The following BDH1 variants were observed in gnomAD, a reference collection of about 807,000 sequenced individuals.
BDH1 encodes the protein D-beta-hydroxybutyrate dehydrogenase, mitochondrial.
A neutral mutation model predicts 33.1 loss-of-function variants in BDH1; 30 were observed. The ratio of observed to expected loss-of-function variants is 0.91; its 90% confidence interval spans 0.68 to 1.23. BDH1 has a LOEUF of 1.23. Among genes scored for constraint, BDH1 ranks in the 50% most tolerant of loss-of-function variants. The pLI is 0.00. For missense variants in BDH1, 443 were observed against 464.4 expected (o/e 0.95, Z 0.42); for synonymous variants, 190 against 183.6 (o/e 1.03, Z -0.28).
chr3:197,559,774 G>A (rs1245609650), upstream of BDH1, among the ~76,000 whole-genome samples: 2 of 152,252 alleles, frequency 1.3e-5, no homozygotes, highest in Non-Finnish European at 2.9e-5. Flanking sequence ...AGGGCCAACT[G>A]AGGAGTTGGG....
upstream of BDH1, among the ~76,000 whole-genome samples, chr3:197,559,422 A>G (rs949558500): frequency 6.6e-6 from 1 of 152,160 alleles, no homozygotes; most frequent in Middle Eastern, 3.2e-3. Flanking sequence ...CCCCCTTTTT[A>G]AGAATTGTGA....
Position 197,512,274 on chromosome 3 carries a change from A to G in BDH1, c.653T>C (p.Phe218Ser), listed in dbSNP as rs1712140783. ...YCITKFGVEA[F>S]SDCLRYEMYP... ...CATCTCATAGCGCAGGCAGTCCGAGAAAGCCTCTACCCCGAACTTGGTGAT... is the reference window on the plus strand; with the variant it reads ...CATCTCATAGCGCAGGCAGTCCGAGGAAGCCTCTACCCCGAACTTGGTGAT... Residue 218 changes from phenylalanine (F) to serine (S), a missense_variant, in exon 8 of 8, where the codon TTC becomes TCC. Physicochemically the swap from Phe to Ser is radical, Grantham distance 155. Coordinates refer to ENST00000392379, the MANE Select transcript of BDH1 (RefSeq NM_203314.3). 6 of 1,613,016 alleles carry G rather than the reference A, an allele frequency of 3.7e-6. No individual in the cohort carries two copies. Among genetic ancestry groups the G allele is most frequent in the Non-Finnish European group, 5.1e-6 (6 of 1,180,008 alleles).
At chr3:197,519,342 G>A (rs1470735082) in intron 6 of BDH1, among the ~76,000 whole-genome samples, 1 of 152,042 alleles carries the variant, frequency 6.6e-6, no homozygotes, top group Non-Finnish European at 1.5e-5. Context: ...GGGGGCAGGT[G>A]CAAGCCCAAG....
intron 3 of BDH1, among the ~76,000 whole-genome samples, chr3:197,540,956 G>A (rs776660998): frequency 1.4e-4 from 21 of 152,164 alleles, no homozygotes; most frequent in African/African-American, 2.9e-4. Flanking sequence ...ACTCCTGGGC[G>A]GGCAGCTCCA....
rs1479864199 is a variant in BDH1, at chr3:197,510,236, A to G, written c.*1659T>C. The G allele has an allele frequency of 2.6e-5, 4 of 152,288 alleles. No homozygotes were observed. Among genetic ancestry groups the G allele is most frequent in the African/African-American group, 7.2e-5 (3 of 41,468 alleles). 9.4% of individuals were successfully genotyped at this position (152,288 alleles called of 1,614,324 possible). Reference sequence around the variant, plus strand: ...CCGGTTTCCGAAGCGCGAATCCCGAACGCCGTGAGAAACCTCAGGCTCGGG... The same window carrying G: ...CCGGTTTCCGAAGCGCGAATCCCGAGCGCCGTGAGAAACCTCAGGCTCGGG... On this transcript the variant is annotated 3_prime_UTR_variant, in exon 8 of 8. Coordinates refer to ENST00000392379, the MANE Select transcript of BDH1 (RefSeq NM_203314.3).
chr3:197,568,052 C>T (rs770378109), intron 1 of BDH1, among the ~76,000 whole-genome samples: 9 of 152,128 alleles, frequency 5.9e-5, no homozygotes, highest in African/African-American at 9.7e-5. Context: ...TGGCCCTGCC[C>T]GGGGTCTGAA....
intron 5 of BDH1, among the ~76,000 whole-genome samples, chr3:197,524,372 G>A (rs1713872270): frequency 6.6e-6 from 1 of 152,242 alleles, no homozygotes; most frequent in Non-Finnish European, 1.5e-5. Flanking sequence ...GTCAGCACTT[G>A]TCAGGGGTGG....
chr3:197,556,243 A>T (rs1239262231), upstream of BDH1, among the ~76,000 whole-genome samples: 1 of 152,212 alleles, frequency 6.6e-6, no homozygotes, highest in Non-Finnish European at 1.5e-5. Flanking sequence ...CTGAGGCCGG[A>T]GGGTGAAGGC....
At chr3:197,532,061 G>T (rs1714714656) in intron 5 of BDH1, among the ~76,000 whole-genome samples, 1 of 152,132 alleles carries the variant, frequency 6.6e-6, no homozygotes. Context: ...CTGAGAATCT[G>T]CTTCACTCGA....
intron 3 of BDH1, among the ~76,000 whole-genome samples, chr3:197,540,354 T>C (rs1461946817): frequency 1.4e-5 from 2 of 146,756 alleles, no homozygotes; most frequent in Non-Finnish European, 3.0e-5. Context: ...ATGCCCAGCC[T>C]ACCTGACATT....
At chr3:197,524,807 G>C (rs181707080) in intron 5 of BDH1, among the ~76,000 whole-genome samples, 2 of 152,206 alleles carry the variant, frequency 1.3e-5, no homozygotes, top group African/African-American at 4.8e-5. Context: ...CCCGGCATTG[G>C]ACAGGAGGTC....
chr3:197,514,362 A>T lies in BDH1; in HGVS notation c.464T>A (p.Phe155Tyr). ...CTGCTTGTAGGTCTCCAGGCTGGTG[A>T]ACTCCACCTCCCCGAACGTTGAGAT... Reference protein sequence around the residue: ...AGISTFGEVEFTSLETYKQVA... With the variant: ...AGISTFGEVEYTSLETYKQVA... The change falls in exon 7 of 8, where the codon TTC (phenylalanine) becomes TAC (tyrosine). Residue 155 changes from phenylalanine to tyrosine, a missense_variant. Coordinates refer to ENST00000392379, the MANE Select transcript of BDH1 (RefSeq NM_203314.3). This position sits in a 1 kb window ranked among gnomAD's most constrained non-coding sequence, Gnocchi z 4.2. The T allele has an allele frequency of 6.2e-7, 1 of 1,613,438 alleles. No homozygotes were observed. The highest frequency in any genetic ancestry group is 1.7e-4 in the Middle Eastern group (1 of 6,052).
At chr3:197,539,712 GC>G (rs1241252937) in intron 3 of BDH1, among the ~76,000 whole-genome samples, 1 of 152,114 alleles carries the variant, frequency 6.6e-6, no homozygotes, top group Non-Finnish European at 1.5e-5. Flanking sequence ...TGCTCTTGTG[GC>G]CCCGACCCAG....
At chr3:197,550,435 C>A (rs1233202256) in intron 2 of BDH1, among the ~76,000 whole-genome samples, 1 of 152,242 alleles carries the variant, frequency 6.6e-6, no homozygotes, top group Non-Finnish European at 1.5e-5. Context: ...GTCTGTCCTG[C>A]TCACCTGATG....
chr3:197,564,864 G>T (rs1299248902), intron 1 of BDH1, among the ~76,000 whole-genome samples: 3 of 152,174 alleles, frequency 2.0e-5, no homozygotes, highest in Non-Finnish European at 4.4e-5. Flanking sequence ...AAATTTTATA[G>T]ATTGTTTATA....
rs1713660526 is a variant in BDH1, at chr3:197,522,522, C to T, written c.409+118G>A. The T allele has an allele frequency of 7.4e-7, 1 of 1,359,406 alleles. No homozygotes were observed. The highest frequency in any genetic ancestry group is 1.0e-6 in the Non-Finnish European group (1 of 980,976). The allele number at this position is 1,359,406 out of a possible 1,614,324, so 84.2% of individuals were successfully genotyped here. A position where few individuals can be genotyped will look rare whatever the true frequency, so the allele number is the denominator to read the frequency against. On this transcript the variant is annotated intron_variant, in intron 6 of 7. Transcript: ENST00000392379. The surrounding 1 kb of genome is among the most constrained non-coding windows in gnomAD (Gnocchi z 4.8). ...CCTCCTACTGTGCAGGAGGAAGAGC[C>T]TAAACAATAAGGAAGGGAGTGTGGT...
chr3:197,557,663 G>A (rs1402699189), upstream of BDH1, among the ~76,000 whole-genome samples: 1 of 152,220 alleles, frequency 6.6e-6, no homozygotes, highest in Admixed American at 6.5e-5. The surrounding 1 kb of genome is among the most constrained non-coding windows in gnomAD (Gnocchi z 4.6). Context: ...GTTGCAGTGA[G>A]CTGAGATGGT....
chr3:197,562,910 A>C (rs1717313936), intron 1 of BDH1, among the ~76,000 whole-genome samples: 1 of 152,200 alleles, frequency 6.6e-6, no homozygotes, highest in African/African-American at 2.4e-5. Flanking sequence ...ATTGAGGAAA[A>C]AGAGCCCTAA....
rs758787003 is a variant in BDH1, at chr3:197,526,292, G to T, written c.268-3511C>A. Among the ~76,000 whole-genome samples, 1 of 152,184 alleles carries T rather than the reference G, an allele frequency of 6.6e-6. No homozygotes were observed. Among genetic ancestry groups the T allele is most frequent in the South Asian group, 2.1e-4 (1 of 4,830 alleles). On this transcript the variant is annotated intron_variant, in intron 5 of 7. Transcript: ENST00000392379. The surrounding 1 kb of genome is among the most constrained non-coding windows in gnomAD (Gnocchi z 4.7). The stretch of plus-strand genomic sequence containing the variant: ...CTGTGGGAAGTAGGTGCTGGTGGAG[G>T]TTGTCTTTCTCACTGTTTTCTAGCT...
Sources: allele counts gnomAD v4.1 joint callset (sites outside exome capture counted in the v4.1 genomes callset), GRCh38; gene constraint gnomAD v4.1.1; non-coding constraint Gnocchi (gnomAD v3.1); transcripts MANE v1.5; gene names NCBI Gene and HGNC (gene_info 2026-07-23, HGNC 2026-07-21).